The following CENPU variants were observed in gnomAD, a reference collection of about 807,000 sequenced individuals.
CENPU encodes KSHV latent nuclear antigen interacting protein 1.
Under a neutral mutation model 56.7 loss-of-function variants are expected in CENPU, and 46 were observed. The ratio of observed to expected loss-of-function variants is 0.81; its 90% CI spans 0.64 to 1.04. The LOEUF is 1.04. Among genes scored for constraint, CENPU ranks in the 50% least tolerant of loss-of-function variants. CENPU has a pLI of 0.00. For missense variants in CENPU, 510 were observed against 490.1 expected, an observed-to-expected ratio of 1.04 and a Z score of -0.38; for synonymous variants, 166 against 163.0, an observed-to-expected ratio of 1.02 and a Z score of -0.14.
chr4:184,732,338 C>G (rs1053793128), intron 1 of CENPU, among the ~76,000 whole-genome samples: 1 of 152,082 alleles, frequency 6.6e-6, no homozygotes, highest in Non-Finnish European at 1.5e-5. Context: ...GAACAGGTTG[C>G]TTGGCACCAC....
At chr4:184,711,747 C>T (rs1189526435) in intron 7 of CENPU, among the ~76,000 whole-genome samples, 1 of 152,098 alleles carries the variant, frequency 6.6e-6, no homozygotes, top group Non-Finnish European at 1.5e-5. Context: ...TTAACATATG[C>T]CTACCCTATG....
intron 5 of CENPU, 46 bp downstream of exon 5, chr4:184,717,090 A>AAACTATATT (rs1191488836): frequency 7.8e-7 from 1 of 1,288,612 alleles, no homozygotes; most frequent in Non-Finnish European, 1.1e-6. Flanking sequence ...GCATCCAATC[A>AAACTATATT]AACTATATTA....
At position 184,697,817 on chromosome 4, in the gene CENPU, A is replaced by C; in HGVS notation, c.987-14T>G. ...TGTGGCTCTAACCTAAAACAAAAATAAGTGACAAATAATAAAATGTACCAG... is the reference window on the plus strand; with the variant it reads ...TGTGGCTCTAACCTAAAACAAAAATCAGTGACAAATAATAAAATGTACCAG... On this transcript the variant is annotated splice_polypyrimidine_tract_variant and intron_variant, in intron 11 of 12. Transcript: ENST00000281453. 1 of 1,584,320 alleles carries C rather than the reference A, an allele frequency of 6.3e-7. No individual in the cohort carries two copies. Among genetic ancestry groups the C allele is most frequent in the Non-Finnish European group, 8.6e-7 (1 of 1,169,484 alleles).
At chr4:184,717,275 C>A in intron 4 of CENPU, 79 bp from the exon 5 acceptor site, 1 of 1,033,858 alleles carries the variant, frequency 9.7e-7, no homozygotes. Flanking sequence ...GCTCATTCAA[C>A]ATGAAAACAG....
rs56330358 is a variant in CENPU, at chr4:184,726,974, T to TGGG, written c.215-1915_215-1913dup. Among the ~76,000 whole-genome samples, 7 of 93,154 alleles carry TGGG rather than the reference T, an allele frequency of 7.5e-5. No homozygotes were observed. In the South Asian group the frequency reaches 2.8e-3, roughly 37 times the overall value. The allele number at this position is 93,154 out of a possible 152,430, so 61.1% of individuals were successfully genotyped here. ...GCGTGGTGGTGGTGGTCCTGGGGGG[T>TGGG]GGGGGGGGGGGGCGCCTGGAATCCC... On this transcript the variant is annotated intron_variant, in intron 3 of 12. Transcript: ENST00000281453.
chr4:184,701,319 T>TA (rs1760528302), intron 10 of CENPU, among the ~76,000 whole-genome samples: 1 of 152,196 alleles, frequency 6.6e-6, no homozygotes, highest in African/African-American at 2.4e-5. Flanking sequence ...TCTCCATTGT[T>TA]AGACATTCAT....
intron 8 of CENPU, among the ~76,000 whole-genome samples, chr4:184,708,554 T>G (rs1456114889): frequency 6.6e-6 from 1 of 151,946 alleles, no homozygotes; most frequent in African/African-American, 2.4e-5. Flanking sequence ...AATAACAGTT[T>G]AGAGAGCTAA....
rs762461896 is a variant in CENPU, at chr4:184,700,820, C to T, written c.986G>A (p.Arg329Gln). The change falls in exon 11 of 13, where the codon CGG becomes CAG. Residue 329 changes from arginine (R) to glutamine (Q), a missense_variant and splice_region_variant. Arg to Gln is a conservative substitution (Grantham distance 43). Coordinates refer to ENST00000281453, the MANE Select transcript of CENPU (RefSeq NM_024629.4). ...RMIEVQDELL[R>Q]LEPQLKQLQT... ...CAAACAGGATTTGACAGTATCTTAC[C>T]GAAGCAGTTCATCCTGGACTTCAAT... is the stretch of plus-strand genomic sequence containing the variant. 5 of 1,613,268 alleles carry T rather than the reference C, an allele frequency of 3.1e-6. No individual in the cohort carries two copies. The highest frequency in any genetic ancestry group is 4.5e-5 in the East Asian group (2 of 44,878).
chr4:184,728,342 A>G (rs1377960704), intron 3 of CENPU, among the ~76,000 whole-genome samples: 1 of 152,208 alleles, frequency 6.6e-6, no homozygotes, highest in Non-Finnish European at 1.5e-5. Context: ...TATTCCAGCA[A>G]AAATGCCTGA....
chr4:184,702,804 A>G (rs1400438536), intron 8 of CENPU, among the ~76,000 whole-genome samples: 1 of 152,146 alleles, frequency 6.6e-6, no homozygotes, highest in African/African-American at 2.4e-5. Context: ...GCTCCCACTT[A>G]TAAGTAAGAA....
rs112482688 is a variant in CENPU, at chr4:184,712,853, C to A, written c.688+91G>T. ...TAAAAGTGGCAATTTTATGTACTTA[C>A]AATTTACTACTATAACAAATTAAGA... is the stretch of plus-strand genomic sequence containing the variant. On this transcript the variant is annotated intron_variant, in intron 7 of 12. Transcript: ENST00000281453. 6.8e-6 allele frequency: 6 copies of A among 879,976 alleles called. No homozygotes were observed. In the African/African-American group the frequency reaches 7.0e-5, roughly 10 times the overall value. The allele number at this position is 879,976 out of a possible 1,614,324, so 54.5% of individuals were successfully genotyped here.
rs1447338211 is a variant in CENPU at position 184,734,084 on chromosome 4, G to C, written c.-22C>G. On this transcript the variant is annotated 5_prime_UTR_variant, in exon 1 of 13. Coordinates refer to ENST00000281453, the MANE Select transcript of CENPU (RefSeq NM_024629.4). Reference sequence around the variant, plus strand: ...CCATGGTGCCGCTCTCCGCTCTCGAGCGACTGGAAGCTCCCGCCAAGCCCC... The same window carrying C: ...CCATGGTGCCGCTCTCCGCTCTCGACCGACTGGAAGCTCCCGCCAAGCCCC... The C allele has an allele frequency of 4.5e-6, 7 of 1,543,432 alleles. No homozygotes were observed. In the Admixed American group the frequency reaches 9.9e-5, roughly 22 times the overall value.
intron 11 of CENPU, among the ~76,000 whole-genome samples, chr4:184,700,438 G>A (rs1760495948): frequency 6.6e-6 from 1 of 152,186 alleles, no homozygotes; most frequent in Non-Finnish European, 1.5e-5. Context: ...ATACAAAAGA[G>A]GGAACTGAGA....
At chr4:184,720,557 T>C (rs7667449) in intron 4 of CENPU, among the ~76,000 whole-genome samples, 25,998 of 152,002 alleles carry the variant, frequency 0.17, 2,440 homozygotes, top group African/African-American at 0.24. Context: ...CAAGCAGCTT[T>C]AACCCAAAGG....
At chr4:184,725,988 G>C (rs1761437468) in intron 3 of CENPU, among the ~76,000 whole-genome samples, 1 of 152,196 alleles carries the variant, frequency 6.6e-6, no homozygotes, top group Non-Finnish European at 1.5e-5. Context: ...CTGAACTGCT[G>C]TAAGGGGGCC....
intron 1 of CENPU, among the ~76,000 whole-genome samples, chr4:184,732,413 A>G (rs1003336377): frequency 1.3e-5 from 2 of 152,294 alleles, no homozygotes; most frequent in Non-Finnish European, 1.5e-5. Flanking sequence ...TAACAAGTTC[A>G]CGATTTATTT....
rs541443401 is a variant in CENPU, at chr4:184,710,010, G to T, written c.797+62C>A. 252 of 821,840 alleles carry T rather than the reference G, an allele frequency of 3.1e-4. 3 individuals carry two copies. The African/African-American group carries it at 4.1e-3, about 13-fold the overall frequency. The allele number at this position is 821,840 out of a possible 1,614,324, so 50.9% of individuals were successfully genotyped here. ...GTACATAACAAAAACTGTAGGATGA[G>T]CAAAAATGGTGCTTCAGGGGAAATT... On this transcript the variant is annotated intron_variant, in intron 8 of 12. Coordinates refer to ENST00000281453, the MANE Select transcript of CENPU (RefSeq NM_024629.4).
At chr4:184,719,968 A>C (rs576670315) in intron 4 of CENPU, among the ~76,000 whole-genome samples, 17 of 152,318 alleles carry the variant, frequency 1.1e-4, no homozygotes, top group African/African-American at 4.1e-4. Flanking sequence ...CAATGTCTAG[A>C]CACTGATAAA....
rs1248041576 is a variant in CENPU at position 184,733,283 on chromosome 4, C to G, written c.47+733G>C. ...TGCTCCAGCTTTTCCACCCTAACCCCGCATCTACCAGCACCTCCTCCTCCA... is the reference window on the plus strand; with the variant it reads ...TGCTCCAGCTTTTCCACCCTAACCCGGCATCTACCAGCACCTCCTCCTCCA... On this transcript the variant is annotated intron_variant, in intron 1 of 12. Transcript: ENST00000281453. 3.1e-6 allele frequency: 3 copies of G among 983,574 alleles called. No homozygotes were observed. In the African/African-American group the frequency reaches 5.2e-5, roughly 17 times the overall value. The allele number at this position is 983,574 out of a possible 1,614,324, so 60.9% of individuals were successfully genotyped here. A position where few individuals can be genotyped will look rare whatever the true frequency, so the allele number is the denominator to read the frequency against.
Sources: allele counts gnomAD v4.1 joint callset (sites outside exome capture counted in the v4.1 genomes callset), GRCh38; gene constraint gnomAD v4.1.1; transcripts MANE v1.5; gene names NCBI Gene and HGNC (gene_info 2026-07-23, HGNC 2026-07-21).